Variants in PDZRN3 observed in about 807,000 individuals in gnomAD.
The protein encoded by PDZRN3 is E3 ubiquitin-protein ligase PDZRN3.
PDZRN3 carries 38 observed loss-of-function variants against 85.7 expected under a neutral mutation model. That is an observed-to-expected ratio of 0.44 (90% CI 0.34 to 0.58). The LOEUF (loss-of-function observed/expected upper bound fraction) is 0.58. Among genes scored for constraint, PDZRN3 ranks in the 20% least tolerant of loss-of-function variants. The pLI is 0.01. For missense variants in PDZRN3, 1,629 were observed against 1,506.4 expected (o/e 1.08, Z -1.35); for synonymous variants, 759 against 638.0 (o/e 1.19, Z -2.86).
chr3:73,502,338 T>C (rs770496897), intron 3 of PDZRN3, among the ~76,000 whole-genome samples: 2 of 152,162 alleles, frequency 1.3e-5, no homozygotes, highest in Non-Finnish European at 2.9e-5. Flanking sequence ...GTCAAAATGA[T>C]AGGTTTTTAT....
intron 3 of PDZRN3, among the ~76,000 whole-genome samples, chr3:73,441,866 C>T (rs1025380956): frequency 2.0e-5 from 3 of 152,176 alleles, no homozygotes; most frequent in Admixed American, 1.3e-4. Flanking sequence ...GCCTGCTGAA[C>T]AGGACAAGGC....
chr3:73,607,487 C>T (rs1412820503), intron 2 of PDZRN3, among the ~76,000 whole-genome samples: 3 of 152,154 alleles, frequency 2.0e-5, no homozygotes, highest in South Asian at 2.1e-4. Flanking sequence ...GAGAGCAGTG[C>T]TATGCTCTCC....
At chr3:73,564,143 T>C (rs1470934271) in intron 3 of PDZRN3, among the ~76,000 whole-genome samples, 1 of 152,150 alleles carries the variant, frequency 6.6e-6, no homozygotes, top group Non-Finnish European at 1.5e-5. Context: ...ACATCAAATA[T>C]CCCAAATATG....
rs66466551 is a variant in PDZRN3, at chr3:73,424,367, C to CAAAAAAAA, written c.919-19980_919-19973dup. On this transcript the variant is annotated intron_variant, in intron 3 of 9. Transcript: ENST00000263666. ...TAACATGGTGAAACCCCGTCTCTAC[C>CAAAAAAAA]AAAAAAAAAAAAAAAAAAAAAAAAA... Among the ~76,000 whole-genome samples, 180 of 54,862 alleles carry CAAAAAAAA rather than the reference C, an allele frequency of 3.3e-3. 8 individuals are homozygous for CAAAAAAAA. Among genetic ancestry groups the CAAAAAAAA allele is most frequent in the African/African-American group, 0.012 (155 of 13,436 alleles). 36.0% of individuals were successfully genotyped at this position (54,862 alleles called of 152,430 possible).
intron 3 of PDZRN3, among the ~76,000 whole-genome samples, chr3:73,441,122 A>G (rs1165293470): frequency 1.3e-5 from 2 of 152,350 alleles, no homozygotes; most frequent in Non-Finnish European, 2.9e-5. Flanking sequence ...CCATTTAAAA[A>G]TGTAAAATAC....
intron 3 of PDZRN3, among the ~76,000 whole-genome samples, chr3:73,501,931 G>T (rs1703988149): frequency 6.6e-6 from 1 of 152,174 alleles, no homozygotes; most frequent in Non-Finnish European, 1.5e-5. Flanking sequence ...CAGGAGAATC[G>T]CTTGAACCTG....
chr3:73,573,808 C>T (rs4676934), intron 3 of PDZRN3, among the ~76,000 whole-genome samples: 4,102 of 78,630 alleles, frequency 0.052, 144 homozygotes, highest in African/African-American at 0.13. Context: ...CATACACATA[C>T]ACCTATACAT....
chr3:73,433,821 A>G, intron 3 of PDZRN3: 1 of 1,471,468 alleles, frequency 6.8e-7, no homozygotes. Flanking sequence ...GAGTCAAGCG[A>G]CTGCAACGCT....
chr3:73,470,354 T>C (rs1204660165), intron 3 of PDZRN3, among the ~76,000 whole-genome samples: 2 of 152,226 alleles, frequency 1.3e-5, no homozygotes, highest in Non-Finnish European at 1.5e-5. Flanking sequence ...TCTGAGACTA[T>C]ATAAAGGATG....
intron 3 of PDZRN3, among the ~76,000 whole-genome samples, chr3:73,459,999 G>A (rs1172014996): frequency 1.3e-5 from 2 of 152,216 alleles, no homozygotes; most frequent in African/African-American, 4.8e-5. Context: ...GACAATGTTT[G>A]TGGAAGATGA....
At chr3:73,522,287 T>C (rs952671006) in intron 3 of PDZRN3, among the ~76,000 whole-genome samples, 2 of 152,336 alleles carry the variant, frequency 1.3e-5, no homozygotes, top group African/African-American at 4.8e-5. Flanking sequence ...GACATCCAGA[T>C]ATGATCTTCC....
intron 3 of PDZRN3, among the ~76,000 whole-genome samples, chr3:73,515,130 T>C (rs1468726614): frequency 2.0e-5 from 3 of 150,666 alleles, no homozygotes; most frequent in Non-Finnish European, 4.4e-5. Flanking sequence ...CTTTTCTGAC[T>C]AGGTAATTGG....
chr3:73,388,086 G>T lies in PDZRN3; in HGVS notation c.1417-17C>A. The T allele has an allele frequency of 2.6e-6, 3 of 1,173,746 alleles. No homozygotes were observed. The highest frequency in any genetic ancestry group is 2.8e-5 in the South Asian group (2 of 70,894). The allele number at this position is 1,173,746 out of a possible 1,614,324, so 72.7% of individuals were successfully genotyped here. ...CCCATTAATCTTTTAAAAAAAAAGG[G>T]GGGGTGGGGAGAGTGGGGAGACAAA... On this transcript the variant is annotated splice_polypyrimidine_tract_variant and intron_variant, in intron 7 of 9. Coordinates refer to ENST00000263666, the MANE Select transcript of PDZRN3 (RefSeq NM_015009.3).
intron 3 of PDZRN3, among the ~76,000 whole-genome samples, chr3:73,538,608 C>A (rs905031795): frequency 7.2e-5 from 11 of 152,192 alleles, no homozygotes; most frequent in African/African-American, 2.7e-4. Context: ...TGATGCTACT[C>A]CTCATTTAGA....
At chr3:73,424,541 C>CA (rs34550639) in intron 3 of PDZRN3, among the ~76,000 whole-genome samples, 2,304 of 53,892 alleles carry the variant, frequency 0.043, 141 homozygotes, top group Non-Finnish European at 0.051. Flanking sequence ...GACTCCATCT[C>CA]AAAAAAAAAA....
chr3:73,489,376 C>G (rs1250470255), intron 3 of PDZRN3, among the ~76,000 whole-genome samples: 2 of 152,014 alleles, frequency 1.3e-5, no homozygotes, highest in Admixed American at 1.3e-4. Flanking sequence ...TGTGGCTGAT[C>G]CTGTTTAGCA....
chr3:73,584,331 G>A (rs769493994), intron 3 of PDZRN3, among the ~76,000 whole-genome samples: 1 of 152,102 alleles, frequency 6.6e-6, no homozygotes, highest in Non-Finnish European at 1.5e-5. Flanking sequence ...CTTCCATCCA[G>A]GAAACAGGAT....
chr3:73,526,103 T>C (rs1029657212), intron 3 of PDZRN3, among the ~76,000 whole-genome samples: 1 of 152,192 alleles, frequency 6.6e-6, no homozygotes, highest in Non-Finnish European at 1.5e-5. Flanking sequence ...AGTTTCTTCA[T>C]CTTAAGTAGA....
chr3:73,495,708 A>G (rs1703854158), intron 3 of PDZRN3, among the ~76,000 whole-genome samples: 1 of 115,476 alleles, frequency 8.7e-6, no homozygotes. Context: ...GGACTGATTT[A>G]TGCTCACGTT....
Sources: allele counts gnomAD v4.1 joint callset (sites outside exome capture counted in the v4.1 genomes callset), GRCh38; gene constraint gnomAD v4.1.1; transcripts MANE v1.5; gene names NCBI Gene and HGNC (gene_info 2026-07-23, HGNC 2026-07-21).